Variants in C3orf18 observed in about 807,000 individuals in gnomAD.
C3orf18 encodes uncharacterized protein C3orf18.
Under a neutral mutation model 14.1 loss-of-function variants are expected in C3orf18, and 12 were observed. The observed-to-expected ratio is 0.85, with a 90% confidence interval of 0.55 to 1.38. C3orf18 has a LOEUF of 1.38. Ranked by LOEUF, C3orf18 falls within the 40% of genes most tolerant of loss-of-function variation. C3orf18 has a pLI of 0.00. For synonymous variants in C3orf18, 82 were observed against 87.9 expected (o/e 0.93, Z 0.38); for missense variants, 196 against 213.9 (o/e 0.92, Z 0.52).
Position 50,559,303 on chromosome 3 carries a change from A to G in C3orf18, c.*354T>C, listed in dbSNP as rs1388599139. On this transcript the variant is annotated 3_prime_UTR_variant, in exon 6 of 6. Transcript: ENST00000357203. The stretch of plus-strand genomic sequence containing the variant: ...CCCCTTTCCTCCCCCAATCCCTCCC[A>G]CTCCGTATCTCCCTCATTTCCTCCA... 8.9e-6 allele frequency: 11 copies of G among 1,242,904 alleles called. No homozygotes were observed. In the East Asian group the frequency reaches 5.0e-4, roughly 57 times the overall value. 77.0% of individuals were successfully genotyped at this position (1,242,904 alleles called of 1,614,324 possible). A position where few individuals can be genotyped will look rare whatever the true frequency, so the allele number is the denominator to read the frequency against.
intron 3 of C3orf18, chr3:50,562,342 C>A: frequency 2.6e-6 from 1 of 382,424 alleles, no homozygotes; most frequent in South Asian, 2.0e-5. Context: ...GCTGCCAATA[C>A]TAACTGTAGC....
At chr3:50,568,500 ATGG>A (rs1422511213), upstream of C3orf18, among the ~76,000 whole-genome samples, 1 of 152,014 alleles carries the variant, frequency 6.6e-6, no homozygotes, top group African/African-American at 2.4e-5. Context: ...GGCCGAGGCG[ATGG>A]ATCACCTGAA....
At chr3:50,568,763 A>G (rs1215525557), upstream of C3orf18, among the ~76,000 whole-genome samples, 3 of 152,110 alleles carry the variant, frequency 2.0e-5, no homozygotes, top group South Asian at 6.2e-4. Context: ...AAGAAAAAAA[A>G]AGTAGTTAAC....
upstream of C3orf18, chr3:50,571,247 G>A (rs765808023): frequency 1.2e-6 from 2 of 1,613,712 alleles, no homozygotes; most frequent in African/African-American, 1.3e-5. Context: ...GTCAGCCACT[G>A]GACTGGGGTC....
Position 50,559,041 on chromosome 3 carries a change from G to C in C3orf18, c.*616C>G. On this transcript the variant is annotated 3_prime_UTR_variant, in exon 6 of 6. Transcript: ENST00000357203. ...GCCCCAGTAACATCTGGTTGCCAAG[G>C]ATGGGTGGCTGGGAGACCTCCTGGA... 1 of 1,289,744 alleles carries C rather than the reference G, an allele frequency of 7.8e-7. No individual in the cohort carries two copies. Among genetic ancestry groups the C allele is most frequent in the Non-Finnish European group, 1.0e-6 (1 of 988,848 alleles). 79.9% of individuals were successfully genotyped at this position (1,289,744 alleles called of 1,614,324 possible).
At chr3:50,571,140 G>A (rs763889582), upstream of C3orf18, 29 of 1,611,138 alleles carry the variant, frequency 1.8e-5, no homozygotes, top group Admixed American at 1.7e-5. Context: ...GGGCCCTCCT[G>A]TCTGGCCCAG....
In C3orf18 at chr3:50,559,500, T is replaced by A; in HGVS notation, c.*157A>T. 1 of 1,428,704 alleles carries A rather than the reference T, an allele frequency of 7.0e-7. No individual in the cohort carries two copies. The highest frequency in any genetic ancestry group is 9.2e-7 in the Non-Finnish European group (1 of 1,088,548). 88.5% of individuals were successfully genotyped at this position (1,428,704 alleles called of 1,614,324 possible). ...TAGGGCCCTCTCTTAGAGTCTAAAGTCAGCAGGTGGGTCTGGAGAACAGCT... is the reference window on the plus strand; with the variant it reads ...TAGGGCCCTCTCTTAGAGTCTAAAGACAGCAGGTGGGTCTGGAGAACAGCT... On this transcript the variant is annotated 3_prime_UTR_variant, in exon 6 of 6. Coordinates refer to ENST00000357203, the MANE Select transcript of C3orf18 (RefSeq NM_016210.5).
At chr3:50,560,579 CAG>C (rs1296980561) in intron 5 of C3orf18, among the ~76,000 whole-genome samples, 1 of 152,236 alleles carries the variant, frequency 6.6e-6, no homozygotes, top group African/African-American at 2.4e-5. Flanking sequence ...CTTTCCTAAC[CAG>C]TACGTGGGGG....
At chr3:50,566,342 T>G (rs932764698) in intron 1 of C3orf18, among the ~76,000 whole-genome samples, 11 of 152,000 alleles carry the variant, frequency 7.2e-5, no homozygotes, top group African/African-American at 2.7e-4. Context: ...GCTTAACTAG[T>G]GATCCCTAGA....
At position 50,565,864 on chromosome 3, in the gene C3orf18, AGAAAG is replaced by A; in HGVS notation, c.-162-8_-162-4del. On this transcript the variant is annotated splice_polypyrimidine_tract_variant and splice_region_variant and intron_variant, in intron 2 of 5. Transcript: ENST00000357203. The surrounding 1 kb of genome is among the most constrained non-coding windows in gnomAD (Gnocchi z 4.4). ...GGAGCCCCCTGCCTTCCTGGGTGCT[AGAAAG>A]GAAAGAATAAGAAACATGAGGCTAA... The A allele has an allele frequency of 1.7e-6, 1 of 601,598 alleles. No individual in the cohort carries two copies. Among genetic ancestry groups the A allele is most frequent in the Non-Finnish European group, 3.0e-6 (1 of 338,298 alleles). The allele number at this position is 601,598 out of a possible 1,614,324, so 37.3% of individuals were successfully genotyped here.
chr3:50,571,157 G>A (rs1575887151), upstream of C3orf18: 3 of 1,613,306 alleles, frequency 1.9e-6, no homozygotes, highest in Middle Eastern at 1.7e-4. Context: ...CCAGGGAGGA[G>A]GGGAAGTACC....
chr3:50,565,647 G>A lies in C3orf18; in HGVS notation c.53C>T (p.Thr18Ile). 1.2e-6 allele frequency: 2 copies of A among 1,613,260 alleles called. No individual in the cohort carries two copies. The highest frequency in any genetic ancestry group is 1.7e-6 in the Non-Finnish European group (2 of 1,180,002). Residue 18 changes from threonine to isoleucine, a missense_variant, in exon 3 of 6, where the codon ACC (threonine) becomes ATC (isoleucine). Transcript: ENST00000357203. The surrounding 1 kb of genome is among the most constrained non-coding windows in gnomAD (Gnocchi z 4.4). ...GGCAGGTTCCAGGTCAGACTCAGAG[G>A]TGGGTGGGCGGCTGCTGAACCAGCC... ...ARGWFSSRPP[T>I]SESDLEPATD...
At position 50,565,770 on chromosome 3, in the gene C3orf18, C is replaced by A; in HGVS notation, c.-71G>T. On this transcript the variant is annotated 5_prime_UTR_variant, in exon 3 of 6. Coordinates refer to ENST00000357203, the MANE Select transcript of C3orf18 (RefSeq NM_016210.5). This position sits in a 1 kb window ranked among gnomAD's most constrained non-coding sequence, Gnocchi z 4.4. ...CAACCTGCCCACTCACTCCTGACTC[C>A]GGAGTGCCCCAGCCTGTGGTTCCTG... is the stretch of plus-strand genomic sequence containing the variant. The A allele has an allele frequency of 4.1e-6, 5 of 1,222,282 alleles. No individual in the cohort carries two copies. Among genetic ancestry groups the A allele is most frequent in the Non-Finnish European group, 5.7e-6 (5 of 870,618 alleles). The allele number at this position is 1,222,282 out of a possible 1,614,324, so 75.7% of individuals were successfully genotyped here.
chr3:50,564,994 T>C (rs1700201821), intron 3 of C3orf18, among the ~76,000 whole-genome samples: 1 of 152,200 alleles, frequency 6.6e-6, no homozygotes, highest in African/African-American at 2.4e-5. Flanking sequence ...TTTCTGTTGT[T>C]TCCAGTTGGA....
chr3:50,560,884 G>A (rs765902300), intron 5 of C3orf18, 33 bp downstream of exon 5: 5 of 1,578,828 alleles, frequency 3.2e-6, no homozygotes, highest in Non-Finnish European at 4.3e-6. Context: ...AGAGGATGCT[G>A]CAGGCGGGGT....
upstream of C3orf18, chr3:50,571,961 A>AAGGG (rs1351283991): frequency 1.3e-6 from 1 of 795,588 alleles, no homozygotes; most frequent in Non-Finnish European, 1.5e-6. Context: ...GAATAGGAAG[A>AAGGG]AGGGAGGGAG....
At position 50,561,036 on chromosome 3, in the gene C3orf18, G is replaced by T. The variant is rs770615706; in HGVS notation, c.289C>A (p.Pro97Thr). 1 of 1,614,166 alleles carries T rather than the reference G, an allele frequency of 6.2e-7. No individual in the cohort carries two copies. Among genetic ancestry groups the T allele is most frequent in the Non-Finnish European group, 8.5e-7 (1 of 1,179,988 alleles). The change falls in exon 5 of 6, where the codon CCC becomes ACC. Residue 97 changes from proline to threonine, a missense_variant. By Grantham distance (38) the Pro-to-Thr change is conservative. Coordinates refer to ENST00000357203, the MANE Select transcript of C3orf18 (RefSeq NM_016210.5). ...TCCGTGGGGTCGAAGTTGTACATGG[G>T]CATGAGCTGGTGGCGTAGCTTCTCC... ...RLEKLRHQLM[P>T]MYNFDPTEEQ...
upstream of C3orf18, chr3:50,570,914 G>T: frequency 4.1e-6 from 2 of 487,514 alleles, no homozygotes; most frequent in Admixed American, 3.9e-5. Context: ...TGCTTTCCTG[G>T]TTCCTCTCAC....
chr3:50,572,783 C>T (rs530093968), upstream of C3orf18, among the ~76,000 whole-genome samples: 11 of 152,332 alleles, frequency 7.2e-5, no homozygotes, highest in African/African-American at 1.2e-4. Context: ...GGATGTGTGG[C>T]GCAAGTGTGT....
Sources: allele counts gnomAD v4.1 joint callset (sites outside exome capture counted in the v4.1 genomes callset), GRCh38; gene constraint gnomAD v4.1.1; non-coding constraint Gnocchi (gnomAD v3.1); transcripts MANE v1.5; gene names NCBI Gene and HGNC (gene_info 2026-07-23, HGNC 2026-07-21).